Variants in TOP1 observed in about 807,000 individuals in gnomAD.
The protein encoded by TOP1 is DNA topoisomerase 1.
In TOP1, 10 loss-of-function variants were observed where a neutral mutation model predicts 111.1. The observed-to-expected ratio is 0.09, with a 90% CI of 0.06 to 0.15. The LOEUF (loss-of-function observed/expected upper bound fraction) is 0.15. Among genes scored for constraint, TOP1 ranks in the 10% least tolerant of loss-of-function variants. TOP1 has a pLI of 1.00. For missense variants in TOP1, 474 were observed against 926.7 expected, an observed-to-expected ratio of 0.51 and a Z score of 6.34; for synonymous variants, 271 against 302.9, an observed-to-expected ratio of 0.89 and a Z score of 1.10.
intron 3 of TOP1, among the ~76,000 whole-genome samples, chr20:41,075,687 G>T (rs953814891): frequency 6.6e-6 from 1 of 152,180 alleles, no homozygotes; most frequent in Non-Finnish European, 1.5e-5. Context: ...ATCTAGAAGT[G>T]ACTAACTTGC....
chr20:41,088,828 A>G (rs1412125182), intron 8 of TOP1, among the ~76,000 whole-genome samples: 2 of 152,068 alleles, frequency 1.3e-5, no homozygotes, highest in African/African-American at 4.8e-5. Flanking sequence ...ATTCTGTTAA[A>G]TATTTTTGTT....
chr20:41,104,153 AAG>A (rs1267281016), intron 13 of TOP1, among the ~76,000 whole-genome samples: 2 of 152,210 alleles, frequency 1.3e-5, no homozygotes, highest in Non-Finnish European at 2.9e-5. Context: ...AAGAAGATTG[AAG>A]AGTTACTAGC....
intron 2 of TOP1, among the ~76,000 whole-genome samples, chr20:41,043,622 T>C (rs1568672858): frequency 6.6e-6 from 1 of 152,202 alleles, no homozygotes; most frequent in Non-Finnish European, 1.5e-5. Flanking sequence ...ATAGGATACA[T>C]GAAACAATGT....
intron 2 of TOP1, among the ~76,000 whole-genome samples, chr20:41,042,339 A>T (rs2033277831): frequency 6.6e-6 from 1 of 152,210 alleles, no homozygotes; most frequent in South Asian, 2.1e-4. Context: ...GATATAGTTA[A>T]CTGCCTTTGC....
In TOP1 at chr20:41,068,733, C is replaced by T. The variant is rs555109446; in HGVS notation, c.155+7243C>T. Among the ~76,000 whole-genome samples, 24 of 152,314 alleles carry T rather than the reference C, an allele frequency of 1.6e-4. No individual in the cohort carries two copies. The East Asian group carries it at 4.6e-3, about 29-fold the overall frequency. On this transcript the variant is annotated intron_variant, in intron 3 of 20. Coordinates refer to ENST00000361337, the MANE Select transcript of TOP1 (RefSeq NM_003286.4). ...TACATAAATAATCTCAAAAGGAATA[C>T]TCTTCTAGATGCCAAGGAATTACGT...
intron 3 of TOP1, among the ~76,000 whole-genome samples, chr20:41,068,420 T>C (rs1248428954): frequency 6.6e-6 from 1 of 152,200 alleles, no homozygotes; most frequent in East Asian, 1.9e-4. Context: ...TTTTTCTTTT[T>C]TTTTGGAGTC....
chr20:41,100,010 A>C lies in TOP1; in HGVS notation c.976-46A>C. The C allele has an allele frequency of 7.1e-7, 1 of 1,416,176 alleles. No individual in the cohort carries two copies. The highest frequency in any genetic ancestry group is 9.8e-7 in the Non-Finnish European group (1 of 1,018,108). 87.7% of individuals were successfully genotyped at this position (1,416,176 alleles called of 1,614,324 possible). ...CAAGAGATAAAATGCATTAGTAGAG[A>C]ACAGCAATCTGAATCTATTTTGAGT... is the stretch of plus-strand genomic sequence containing the variant. On this transcript the variant is annotated intron_variant, in intron 11 of 20. Transcript: ENST00000361337. This position sits in a 1 kb window ranked among gnomAD's most constrained non-coding sequence, Gnocchi z 4.4.
intron 13 of TOP1, among the ~76,000 whole-genome samples, chr20:41,103,505 A>G (rs529403708): frequency 1.3e-5 from 2 of 152,348 alleles, no homozygotes; most frequent in African/African-American, 2.4e-5. Flanking sequence ...TTATATGTAA[A>G]TCACATCAGT....
chr20:41,099,312 C>G (rs891003263), intron 11 of TOP1, among the ~76,000 whole-genome samples: 2 of 152,130 alleles, frequency 1.3e-5, no homozygotes. Flanking sequence ...TTATTTACTT[C>G]AGGGGCATTT....
intron 2 of TOP1, among the ~76,000 whole-genome samples, chr20:41,041,499 C>A (rs560574079): frequency 6.6e-6 from 1 of 151,088 alleles, no homozygotes; most frequent in South Asian, 2.1e-4. Context: ...AATACAGATG[C>A]TTTTACCAAA....
At position 41,071,931 on chromosome 20, in the gene TOP1, A is replaced by G. The variant is rs1038421912; in HGVS notation, c.156-4240A>G. Among the ~76,000 whole-genome samples, 1 of 152,228 alleles carries G rather than the reference A, an allele frequency of 6.6e-6. No homozygotes were observed. Among genetic ancestry groups the G allele is most frequent in the African/African-American group, 2.4e-5 (1 of 41,468 alleles). On this transcript the variant is annotated intron_variant, in intron 3 of 20. Transcript: ENST00000361337. This position sits in a 1 kb window ranked among gnomAD's most constrained non-coding sequence, Gnocchi z 4.3. ...TAAGTGTGACCATTGCAGAAGTTCT[A>G]GGACTGCTACTGTCTGTATTTTTGT... is the stretch of plus-strand genomic sequence containing the variant.
At chr20:41,043,216 T>C (rs538918048) in intron 2 of TOP1, among the ~76,000 whole-genome samples, 4 of 152,242 alleles carry the variant, frequency 2.6e-5, no homozygotes, top group Admixed American at 6.5e-5. Flanking sequence ...TTAATGAGTG[T>C]CTACCAGGTG....
chr20:41,108,376 G>A (rs2034181010), intron 13 of TOP1, among the ~76,000 whole-genome samples: 1 of 152,122 alleles, frequency 6.6e-6, no homozygotes, highest in Non-Finnish European at 1.5e-5. Context: ...AATCATTCAG[G>A]GGTAAAAAGC....
rs1427741235 is a variant in TOP1 at position 41,124,197 on chromosome 20, A to AATT, written c.*901_*902insTTA. ...GTATAAAAAGTTTCACAGGTCAATA[A>AATT]ACTTAGAGGAAAATGAGTATTTGGT... On this transcript the variant is annotated 3_prime_UTR_variant, in exon 21 of 21. Transcript: ENST00000361337. The surrounding 1 kb of genome is among the most constrained non-coding windows in gnomAD (Gnocchi z 5.4). 8.6e-6 allele frequency: 2 copies of AATT among 232,866 alleles called. No homozygotes were observed. Among genetic ancestry groups the AATT allele is most frequent in the African/African-American group, 4.4e-5 (2 of 45,308 alleles). 14.4% of individuals were successfully genotyped at this position (232,866 alleles called of 1,614,324 possible). A position where few individuals can be genotyped will look rare whatever the true frequency, so the allele number is the denominator to read the frequency against.
chr20:41,043,181 G>T (rs937901779), intron 2 of TOP1, among the ~76,000 whole-genome samples: 6 of 152,234 alleles, frequency 3.9e-5, no homozygotes, highest in African/African-American at 1.4e-4. Flanking sequence ...TAAACTCTGG[G>T]AGTAGGGTCT....
chr20:41,119,679 T>TA (rs1394546254), intron 18 of TOP1, among the ~76,000 whole-genome samples: 2 of 152,216 alleles, frequency 1.3e-5, no homozygotes, highest in Non-Finnish European at 2.9e-5. Context: ...ACACACAACT[T>TA]ATAATTTATG....
At chr20:41,117,873 C>A (rs189968977) in intron 17 of TOP1, among the ~76,000 whole-genome samples, 2 of 152,024 alleles carry the variant, frequency 1.3e-5, no homozygotes, top group Non-Finnish European at 2.9e-5. Flanking sequence ...GGGTCCCTAG[C>A]CAAGTTCCCT....
Position 41,124,278 on chromosome 20 carries a change from T to C in TOP1, c.*981T>C. 4.3e-6 allele frequency: 1 copy of C among 233,046 alleles called. No individual in the cohort carries two copies. Among genetic ancestry groups the C allele is most frequent in the Non-Finnish European group, 8.5e-6 (1 of 117,736 alleles). 14.4% of individuals were successfully genotyped at this position (233,046 alleles called of 1,614,324 possible). ...GGGCTTTTATTTTTTCTTTTGTAAT[T>C]GTGTAAAAAATGGAAAAAAACATAA... On this transcript the variant is annotated 3_prime_UTR_variant, in exon 21 of 21. Coordinates refer to ENST00000361337, the MANE Select transcript of TOP1 (RefSeq NM_003286.4). This position sits in a 1 kb window ranked among gnomAD's most constrained non-coding sequence, Gnocchi z 5.4.
At chr20:41,056,645 A>AT (rs1158431489) in intron 2 of TOP1, among the ~76,000 whole-genome samples, 1 of 152,036 alleles carries the variant, frequency 6.6e-6, no homozygotes, top group African/African-American at 2.4e-5. Context: ...TGCCCAATTA[A>AT]TTTTTTAAAC....
Sources: gnomAD v4.1 joint callset for allele counts (sites outside exome capture counted in the v4.1 genomes callset) on GRCh38, gnomAD v4.1.1 for gene constraint, Gnocchi (gnomAD v3.1) non-coding constraint, MANE v1.5 for transcripts, NCBI Gene and HGNC (gene_info 2026-07-23, HGNC 2026-07-21) for gene names.